MTCL3: variants seen among roughly 807,000 people sequenced by gnomAD.
MTCL3 encodes the protein MTCL family member 3.
At chr6:127,515,015 G>C in the MTCL3 span, 2 of 1,614,028 alleles carry the variant, frequency 1.2e-6, no homozygotes, top group Non-Finnish European at 1.7e-6. This position sits in a 1 kb window ranked among gnomAD's most constrained non-coding sequence, Gnocchi z 4.3. Flanking sequence ...CCCTCATCTC[G>C]TCCATCTCGG....
At chr6:127,476,344 C>T in the MTCL3 span, 1 of 1,614,204 alleles carries the variant, frequency 6.2e-7, no homozygotes, top group Non-Finnish European at 8.5e-7. The surrounding 1 kb of genome is among the most constrained non-coding windows in gnomAD (Gnocchi z 4.4). Context: ...ATAAAAGGAT[C>T]TGTACTTCTG....
the MTCL3 span, among the ~76,000 whole-genome samples, chr6:127,507,990 A>G: frequency 1.3e-4 from 20 of 152,150 alleles, no homozygotes; most frequent in African/African-American, 4.6e-4. Context: ...GTTATTCGAC[A>G]AACTATTGGC....
the MTCL3 span, among the ~76,000 whole-genome samples, chr6:127,479,957 T>C: frequency 3.3e-5 from 5 of 152,328 alleles, no homozygotes; most frequent in Admixed American, 3.3e-4. Flanking sequence ...CCACAGTAAT[T>C]GAGCAGTAAA....
the MTCL3 span, among the ~76,000 whole-genome samples, chr6:127,484,663 T>C: frequency 6.6e-6 from 1 of 152,170 alleles, no homozygotes; most frequent in African/African-American, 2.4e-5. Context: ...ATGAAACCAA[T>C]GTGATCTTTG....
the MTCL3 span, among the ~76,000 whole-genome samples, chr6:127,489,156 C>A: frequency 6.6e-6 from 1 of 152,092 alleles, no homozygotes; most frequent in Non-Finnish European, 1.5e-5. Context: ...ATTATTATAT[C>A]CATTATGATA....
chr6:127,511,877 G>A, the MTCL3 span, among the ~76,000 whole-genome samples: 1 of 152,038 alleles, frequency 6.6e-6, no homozygotes, highest in Non-Finnish European at 1.5e-5. Flanking sequence ...TTATATTTTT[G>A]TACCATTTTG....
the MTCL3 span, among the ~76,000 whole-genome samples, chr6:127,496,491 G>A: frequency 6.6e-6 from 1 of 152,266 alleles, no homozygotes; most frequent in South Asian, 2.1e-4. Flanking sequence ...TTGACATGCA[G>A]ACCAATGAAA....
At chr6:127,475,167 C>G in the MTCL3 span, 3 of 979,126 alleles carry the variant, frequency 3.1e-6, no homozygotes, top group Non-Finnish European at 4.4e-6. The surrounding 1 kb of genome is among the most constrained non-coding windows in gnomAD (Gnocchi z 7.3). Flanking sequence ...CAGGCCCCAG[C>G]GCGGCCCTGA....
chr6:127,479,748 T>C, the MTCL3 span, among the ~76,000 whole-genome samples: 1 of 152,132 alleles, frequency 6.6e-6, no homozygotes, highest in Non-Finnish European at 1.5e-5. Context: ...GTAATTATTT[T>C]ATTTATTTAA....
chr6:127,495,086 A>C, the MTCL3 span, among the ~76,000 whole-genome samples: 1 of 146,018 alleles, frequency 6.8e-6, no homozygotes, highest in Non-Finnish European at 1.5e-5. Flanking sequence ...AGTCCCAGCT[A>C]CTAGGAAGGC....
At chr6:127,473,064 T>C in the MTCL3 span, 52 of 1,106,764 alleles carry the variant, frequency 4.7e-5, no homozygotes, top group Non-Finnish European at 5.5e-5. Context: ...TACAGAAAAA[T>C]GTCACACTTT....
the MTCL3 span, chr6:127,516,774 C>A: frequency 7.9e-7 from 1 of 1,268,948 alleles, no homozygotes; most frequent in Non-Finnish European, 1.1e-6. Flanking sequence ...TGATATTGCT[C>A]CATTTGGATG....
the MTCL3 span, chr6:127,482,802 C>T: frequency 1.3e-6 from 1 of 756,278 alleles, no homozygotes; most frequent in East Asian, 2.9e-5. The surrounding 1 kb of genome is among the most constrained non-coding windows in gnomAD (Gnocchi z 4.1). Flanking sequence ...GCAAATTTGA[C>T]TTTGTTTTGC....
At chr6:127,515,348 T>C in the MTCL3 span, among the ~76,000 whole-genome samples, 1 of 152,070 alleles carries the variant, frequency 6.6e-6, no homozygotes, top group African/African-American at 2.4e-5. This position sits in a 1 kb window ranked among gnomAD's most constrained non-coding sequence, Gnocchi z 4.3. Context: ...TGAGAGCAGA[T>C]TCAAATTCCG....
At chr6:127,511,755 A>T in the MTCL3 span, among the ~76,000 whole-genome samples, 1 of 152,214 alleles carries the variant, frequency 6.6e-6, no homozygotes, top group Non-Finnish European at 1.5e-5. Context: ...TAAAGTCAGG[A>T]TAATATAAGT....
the MTCL3 span, chr6:127,473,485 C>A: frequency 1.0e-6 from 1 of 986,476 alleles, no homozygotes. Flanking sequence ...AGTCATTCAA[C>A]TTAAAAAAGA....
chr6:127,473,069 C>T, the MTCL3 span: 4 of 1,117,072 alleles, frequency 3.6e-6, no homozygotes, highest in Non-Finnish European at 4.4e-6. Flanking sequence ...AAAAATGTCA[C>T]ACTTTCTTAC....
At chr6:127,490,819 A>T in the MTCL3 span, among the ~76,000 whole-genome samples, 1 of 151,974 alleles carries the variant, frequency 6.6e-6, no homozygotes, top group African/African-American at 2.4e-5. Flanking sequence ...TCCATCTCAA[A>T]CAAACAAACA....
chr6:127,482,404 C>T, the MTCL3 span, among the ~76,000 whole-genome samples: 7 of 152,174 alleles, frequency 4.6e-5, no homozygotes, highest in African/African-American at 1.2e-4. This position sits in a 1 kb window ranked among gnomAD's most constrained non-coding sequence, Gnocchi z 4.1. Flanking sequence ...TTAACAAACC[C>T]ATGTTGAGTA....
Sources: allele counts gnomAD v4.1 joint callset (sites outside exome capture counted in the v4.1 genomes callset), GRCh38; gene constraint gnomAD v4.1.1; non-coding constraint Gnocchi (gnomAD v3.1); transcripts MANE v1.5; gene names NCBI Gene and HGNC (gene_info 2026-07-23, HGNC 2026-07-21).